HOMER2: variants seen among roughly 807,000 people sequenced by gnomAD.
The protein encoded by HOMER2 is homer protein homolog 2.
In HOMER2, 27 loss-of-function variants were observed where a neutral mutation model predicts 47.0. That is an observed-to-expected ratio of 0.57 (90% confidence interval 0.42 to 0.79). The LOEUF (loss-of-function observed/expected upper bound fraction) is 0.79. Ranked by LOEUF, HOMER2 falls within the 30% of genes least tolerant of loss-of-function variation. HOMER2 has a pLI of 0.00. For synonymous variants in HOMER2, 161 were observed against 163.8 expected (o/e 0.98, Z 0.13); for missense variants, 443 against 435.0 (o/e 1.02, Z -0.16).
intron 2 of HOMER2, among the ~76,000 whole-genome samples, chr15:82,891,982 ATT>A (rs540273697): frequency 7.0e-6 from 1 of 143,428 alleles, no homozygotes; most frequent in Admixed American, 7.0e-5. Flanking sequence ...CAGCAGGTCT[ATT>A]TTTTTTTTTT....
intron 3 of HOMER2, among the ~76,000 whole-genome samples, chr15:82,869,882 G>A (rs2052122359): frequency 6.6e-6 from 1 of 152,066 alleles, no homozygotes; most frequent in Non-Finnish European, 1.5e-5. Flanking sequence ...TGCAATCTTT[G>A]TACTGATATC....
intron 1 of HOMER2, among the ~76,000 whole-genome samples, chr15:82,940,559 C>T (rs1364126766): frequency 3.9e-5 from 6 of 152,082 alleles, no homozygotes; most frequent in South Asian, 2.1e-4. Flanking sequence ...CTGGCTAACA[C>T]AGTGAAACCC....
In HOMER2 at chr15:82,933,985, T is replaced by A. The variant is rs2054079572; in HGVS notation, c.5+18546A>T. On this transcript the variant is annotated intron_variant, in intron 1 of 8. Transcript: ENST00000450735. ...CTGGATGTTCCCAAATCTGAGCCGG[T>A]CCTTCCCGCTCCCTATCCTCCCACA... is the stretch of plus-strand genomic sequence containing the variant. Among the ~76,000 whole-genome samples, 3 of 152,042 alleles carry A rather than the reference T, an allele frequency of 2.0e-5. No individual in the cohort carries two copies. In the South Asian group the frequency reaches 6.2e-4, roughly 32 times the overall value.
At chr15:82,954,288 T>A (rs2054562663), upstream of HOMER2, among the ~76,000 whole-genome samples, 1 of 151,812 alleles carries the variant, frequency 6.6e-6, no homozygotes. Context: ...ATTTTTATTT[T>A]ATTTTTATTA....
chr15:82,927,752 C>A (rs1006521504), intron 1 of HOMER2, among the ~76,000 whole-genome samples: 2 of 152,034 alleles, frequency 1.3e-5, no homozygotes, highest in Non-Finnish European at 2.9e-5. Context: ...GGGTGGATCA[C>A]GTGAAGTCAG....
At chr15:82,967,490 T>C (rs763857222) in intron 1 of HOMER2, among the ~76,000 whole-genome samples, 1 of 152,048 alleles carries the variant, frequency 6.6e-6, no homozygotes, top group Non-Finnish European at 1.5e-5. Flanking sequence ...AGTGTGGCCA[T>C]GAGTTGCTAA....
At chr15:82,954,215 T>C (rs945933231), upstream of HOMER2, among the ~76,000 whole-genome samples, 3 of 152,160 alleles carry the variant, frequency 2.0e-5, no homozygotes, top group African/African-American at 7.2e-5. Flanking sequence ...TATCAGGTAA[T>C]ACCTGAGGAT....
intron 2 of HOMER2, among the ~76,000 whole-genome samples, chr15:82,880,163 T>C (rs912321895): frequency 4.9e-4 from 74 of 152,354 alleles, no homozygotes; most frequent in Non-Finnish European, 1.8e-4. Context: ...TAAAGTTTTA[T>C]TGGAAGACAG....
At chr15:82,882,270 T>C (rs1461451604) in intron 2 of HOMER2, among the ~76,000 whole-genome samples, 1 of 149,714 alleles carries the variant, frequency 6.7e-6, no homozygotes, top group Non-Finnish European at 1.5e-5. Flanking sequence ...GTGGACACAG[T>C]ACACCTGCCA....
intron 1 of HOMER2, among the ~76,000 whole-genome samples, chr15:82,943,029 T>C (rs973919563): frequency 6.6e-6 from 1 of 152,132 alleles, no homozygotes; most frequent in African/African-American, 2.4e-5. Flanking sequence ...TGGAAGCACA[T>C]GTCATCCCCA....
Position 82,852,026 on chromosome 15 carries a change from G to A in HOMER2, c.762+116C>T, listed in dbSNP as rs572238279. On this transcript the variant is annotated intron_variant, in intron 7 of 8. Coordinates refer to ENST00000450735, the MANE Select transcript of HOMER2 (RefSeq NM_004839.4). ...TGCTGTGGCTCCCAGCTCTCTCTCC[G>A]TGCTGCTATCCAGGCAGCTGCCAGG... 30 of 670,392 alleles carry A rather than the reference G, an allele frequency of 4.5e-5. 1 individual carries two copies. The highest frequency in any genetic ancestry group is 2.0e-4 in the South Asian group (11 of 54,132). The allele number at this position is 670,392 out of a possible 1,614,324, so 41.5% of individuals were successfully genotyped here.
intron 1 of HOMER2, among the ~76,000 whole-genome samples, chr15:82,925,398 A>AC (rs1198437809): frequency 6.6e-6 from 1 of 152,172 alleles, no homozygotes; most frequent in African/African-American, 2.4e-5. Context: ...CTCTGTAGCC[A>AC]CCAGCTACCA....
At chr15:82,858,548 G>C (rs569715728) in intron 5 of HOMER2, among the ~76,000 whole-genome samples, 5 of 152,216 alleles carry the variant, frequency 3.3e-5, no homozygotes, top group Admixed American at 2.6e-4. Context: ...CGCCTGCCTT[G>C]GCCTTCCAAA....
chr15:82,862,960 G>A (rs183085110), intron 4 of HOMER2, among the ~76,000 whole-genome samples: 2 of 152,088 alleles, frequency 1.3e-5, no homozygotes, highest in Non-Finnish European at 2.9e-5. Flanking sequence ...GGGGCTCAGC[G>A]ATGCTGGAAT....
upstream of HOMER2, among the ~76,000 whole-genome samples, chr15:82,953,976 T>C (rs1054773537): frequency 1.3e-5 from 2 of 151,848 alleles, no homozygotes; most frequent in African/African-American, 2.4e-5. Flanking sequence ...CTCGGGAGGC[T>C]TGATGCAGGA....
chr15:82,861,247 CAA>C (rs2151627823), intron 4 of HOMER2, among the ~76,000 whole-genome samples: 1 of 152,216 alleles, frequency 6.6e-6, no homozygotes, highest in East Asian at 1.9e-4. Context: ...ACCAAATGCA[CAA>C]AGACATGCAA....
intron 6 of HOMER2, chr15:82,852,860 C>T (rs2051443237): frequency 6.6e-6 from 1 of 152,568 alleles, no homozygotes; most frequent in Non-Finnish European, 1.5e-5. Context: ...TGGCAAATCC[C>T]TACACCGCAT....
Position 82,852,430 on chromosome 15 carries a change from CACCGCTTGCATGGG to C in HOMER2, c.652-192_652-179del, listed in dbSNP as rs149738078. 1,171 of 558,234 alleles carry C rather than the reference CACCGCTTGCATGGG, an allele frequency of 2.1e-3. 62 individuals are homozygous for C. The East Asian group carries it at 0.029, about 14-fold the overall frequency. The allele number at this position is 558,234 out of a possible 1,614,324, so 34.6% of individuals were successfully genotyped here. On this transcript the variant is annotated intron_variant, in intron 6 of 8. Coordinates refer to ENST00000450735, the MANE Select transcript of HOMER2 (RefSeq NM_004839.4). The stretch of plus-strand genomic sequence containing the variant: ...TGCAGCTCCATCATGGGGCTGCCTG[CACCGCTTGCATGGG>C]ACCTGCTTTGCACATGATGCCTTAC...
intron 1 of HOMER2, among the ~76,000 whole-genome samples, chr15:82,980,643 C>T (rs1055021082): frequency 6.6e-6 from 1 of 151,954 alleles, no homozygotes; most frequent in Non-Finnish European, 1.5e-5. Context: ...TAATACAGAA[C>T]AATAAGAAAA....
Sources: gnomAD v4.1 joint callset for allele counts (sites outside exome capture counted in the v4.1 genomes callset) on GRCh38, gnomAD v4.1.1 for gene constraint, MANE v1.5 for transcripts, NCBI Gene and HGNC (gene_info 2026-07-23, HGNC 2026-07-21) for gene names.